AJUBA: variants seen among roughly 807,000 people sequenced by gnomAD.
AJUBA encodes the protein ajuba LIM protein, also known as LIM domain-containing protein ajuba.
Under a neutral mutation model 53.3 loss-of-function variants are expected in AJUBA, and 20 were observed. The observed-to-expected ratio is 0.38, with a 90% CI of 0.26 to 0.55. The LOEUF (loss-of-function observed/expected upper bound fraction) is 0.55. Among genes scored for constraint, AJUBA ranks in the 20% least tolerant of loss-of-function variants. AJUBA has a pLI of 0.80. For missense variants in AJUBA, 580 were observed against 730.5 expected (o/e 0.79, Z 2.38); for synonymous variants, 296 against 306.2 (o/e 0.97, Z 0.35).
In AJUBA at chr14:22,975,120, G is replaced by T; in HGVS notation, c.1240-16C>A. 1 of 1,604,610 alleles carries T rather than the reference G, an allele frequency of 6.2e-7. No individual in the cohort carries two copies. The highest frequency in any genetic ancestry group is 8.5e-7 in the Non-Finnish European group (1 of 1,175,182). ...CTTGTAGGATCTGGCTCATGGGGTA[G>T]CAAGAGAATCAGTCTCCCTCCAGTC... is the stretch of plus-strand genomic sequence containing the variant. On this transcript the variant is annotated splice_polypyrimidine_tract_variant and intron_variant, in intron 4 of 7. Transcript: ENST00000262713.
chr14:22,978,234 G>T, intron 2 of AJUBA, 110 bp downstream of exon 2: 2 of 1,053,806 alleles, frequency 1.9e-6, no homozygotes, highest in Non-Finnish European at 2.8e-6. Context: ...TCCAACAGCT[G>T]CTCTGTGAGC....
chr14:22,978,477 C>A (rs759847978), intron 1 of AJUBA, 32 bp from the exon 2 acceptor site: 5 of 1,594,860 alleles, frequency 3.1e-6, no homozygotes, highest in South Asian at 1.1e-5. Context: ...ACTCTACTCC[C>A]CCAGGTCAAA....
chr14:22,977,225 T>G, intron 2 of AJUBA: 1 of 986,984 alleles, frequency 1.0e-6, no homozygotes, highest in Non-Finnish European at 1.2e-6. Context: ...CTGGAGTTAC[T>G]GCAGAAGGAC....
At chr14:22,976,948 TCCTTA>T in intron 2 of AJUBA, 1 of 1,387,512 alleles carries the variant, frequency 7.2e-7, no homozygotes, top group Non-Finnish European at 9.3e-7. Context: ...AGCTCCTGCC[TCCTTA>T]ACAGTTTTCT....
chr14:22,976,819 T>C (rs902796479), intron 2 of AJUBA, 107 bp from the exon 3 acceptor site: 2 of 1,500,520 alleles, frequency 1.3e-6, no homozygotes, highest in Non-Finnish European at 8.9e-7. Context: ...CTGGACTTTG[T>C]GCTTTTCCTC....
chr14:22,976,590 C>T, intron 3 of AJUBA, 55 bp downstream of exon 3: 1 of 1,612,998 alleles, frequency 6.2e-7, no homozygotes, highest in Non-Finnish European at 8.5e-7. Flanking sequence ...CAATGGGCCA[C>T]CAAGAAGGGG....
At chr14:22,975,615 C>G (rs941198181) in intron 4 of AJUBA, 2 of 153,526 alleles carry the variant, frequency 1.3e-5, no homozygotes, top group African/African-American at 4.8e-5. Flanking sequence ...AATCCCAGCA[C>G]TTTGGGAGGC....
In AJUBA at chr14:22,982,544, G is replaced by T. The variant is rs1036698886; in HGVS notation, c.-278C>A. ...GGTCTATCTGTTCACGCGTCGACTC[G>T]CCCGACTGCCCCACTCTCCCCGGCC... is the stretch of plus-strand genomic sequence containing the variant. On this transcript the variant is annotated 5_prime_UTR_variant, in exon 1 of 8. Coordinates refer to ENST00000262713, the MANE Select transcript of AJUBA (RefSeq NM_032876.6). 127 of 1,320,340 alleles carry T rather than the reference G, an allele frequency of 9.6e-5. No individual in the cohort carries two copies. The highest frequency in any genetic ancestry group is 1.2e-4 in the Non-Finnish European group (124 of 1,036,646). 81.8% of individuals were successfully genotyped at this position (1,320,340 alleles called of 1,614,324 possible). A position where few individuals can be genotyped will look rare whatever the true frequency, so the allele number is the denominator to read the frequency against.
At position 22,981,920 on chromosome 14, in the gene AJUBA, G is replaced by A. The variant is rs2045102831; in HGVS notation, c.347C>T (p.Pro116Leu). 2 of 1,554,950 alleles carry A rather than the reference G, an allele frequency of 1.3e-6. No homozygotes were observed. Among genetic ancestry groups the A allele is most frequent in the East Asian group, 2.3e-5 (1 of 42,796 alleles). Residue 116 changes from proline (P) to leucine (L), a missense_variant, in exon 1 of 8, where the codon CCG (proline) becomes CTG (leucine). Physicochemically the swap from Pro to Leu is moderately conservative, Grantham distance 98. Around this residue, in one of 2 missense-constraint regions of AJUBA, gnomAD observed 430 missense variants for 471.5 expected, o/e 0.91. Coordinates refer to ENST00000262713, the MANE Select transcript of AJUBA (RefSeq NM_032876.6). ...PPDFRLEPTA[P>L]ALSPRSSFAS... ...GAAGCTAGAGCGGGGGCTGAGGGCCGGGGCCGTGGGCTCCAGCCGAAAATC... is the reference window on the plus strand; with the variant it reads ...GAAGCTAGAGCGGGGGCTGAGGGCCAGGGCCGTGGGCTCCAGCCGAAAATC...
At chr14:22,974,809 T>G in intron 6 of AJUBA, 30 bp downstream of exon 6, 1 of 1,602,656 alleles carries the variant, frequency 6.2e-7, no homozygotes, top group East Asian at 2.2e-5. Flanking sequence ...TGGCACTGGC[T>G]GCCCTGAAGG....
Position 22,981,244 on chromosome 14 carries a change from C to G in AJUBA, c.1006+17G>C. On this transcript the variant is annotated intron_variant, in intron 1 of 7. Coordinates refer to ENST00000262713, the MANE Select transcript of AJUBA (RefSeq NM_032876.6). ...GTGACGGGTCCCTTCCCGTCCCTAA[C>G]CACTTCTCTCACTCACCGAAGTAGT... The G allele has an allele frequency of 6.3e-7, 1 of 1,584,054 alleles. No individual in the cohort carries two copies. The highest frequency in any genetic ancestry group is 2.3e-5 in the East Asian group (1 of 44,410).
rs962499661 is a variant in AJUBA at position 22,979,347 on chromosome 14, G to A, written c.1007-902C>T. Among the ~76,000 whole-genome samples, 3 of 152,150 alleles carry A rather than the reference G, an allele frequency of 2.0e-5. No individual in the cohort carries two copies. The highest frequency in any genetic ancestry group is 4.8e-5 in the African/African-American group (2 of 41,450). ...CTGCCCCACCTCTCCCCCTCGGCAC[G>A]CTGCCACACTCCCTGCCTGTTGGGG... On this transcript the variant is annotated intron_variant, in intron 1 of 7. Transcript: ENST00000262713. The surrounding 1 kb of genome is among the most constrained non-coding windows in gnomAD (Gnocchi z 4.0).
intron 1 of AJUBA, chr14:22,980,748 C>G: frequency 1.1e-6 from 1 of 944,214 alleles, no homozygotes; most frequent in African/African-American, 1.8e-5. Context: ...CTCCGCCGCG[C>G]GGCGGCAGCC....
chr14:22,976,378 C>T (rs1009877968), intron 4 of AJUBA, 78 bp downstream of exon 4: 1 of 1,422,154 alleles, frequency 7.0e-7, no homozygotes, highest in East Asian at 2.3e-5. Context: ...CCCCAACCTT[C>T]TCTCAATATC....
intron 6 of AJUBA, 108 bp downstream of exon 6, chr14:22,974,731 C>T: frequency 1.6e-6 from 2 of 1,280,010 alleles, no homozygotes; most frequent in South Asian, 1.4e-5. Context: ...TCACAGAGTA[C>T]ATTCCTTGGC....
At chr14:22,976,955 C>G in intron 2 of AJUBA, 2 of 1,382,718 alleles carry the variant, frequency 1.4e-6, no homozygotes, top group Non-Finnish European at 9.3e-7. Context: ...GCCTCCTTAA[C>G]AGTTTTCTAG....
rs780040386 is a variant in AJUBA at position 22,982,071 on chromosome 14, C to T, written c.196G>A (p.Glu66Lys). Residue 66 changes from glutamate to lysine, a missense_variant, in exon 1 of 8, where the codon GAG becomes AAG. This residue lies in a region of AJUBA where 430 missense variants were observed against 471.5 expected (regional missense o/e 0.91). Transcript: ENST00000262713. Reference protein sequence around the residue: ...PGDEPLEPAREQGSLDAERNQ... With the variant: ...PGDEPLEPARKQGSLDAERNQ... ...CGCTCAGCGTCCAGGGAACCTTGCT[C>T]CCGGGCCGGCTCCAACGGCTCATCC... The T allele has an allele frequency of 6.3e-7, 1 of 1,592,022 alleles. No individual in the cohort carries two copies. The highest frequency in any genetic ancestry group is 1.9e-5 in the Admixed American group (1 of 53,624).
At position 22,975,093 on chromosome 14, in the gene AJUBA, T is replaced by C. The variant is rs777485704; in HGVS notation, c.1251A>G (p.Ala417=). The change falls in exon 5 of 8, where the codon GCA becomes GCG. Residue 417 remains alanine (A), a synonymous_variant. Coordinates refer to ENST00000262713, the MANE Select transcript of AJUBA (RefSeq NM_032876.6). The part of the protein sequence containing the change: ...GHLILEKILQ[A]MGKSYHPGCF... ...AGCCTGGATGATAGGACTTCCCCAT[T>C]GCTTGTAGGATCTGGCTCATGGGGT... 2 of 1,612,240 alleles carry C rather than the reference T, an allele frequency of 1.2e-6. No homozygotes were observed. Among genetic ancestry groups the C allele is most frequent in the Admixed American group, 3.3e-5 (2 of 59,988 alleles).
rs2044985190 is a variant in AJUBA, at chr14:22,971,750, T to C, written c.*1693A>G. 2 of 152,182 alleles carry C rather than the reference T, an allele frequency of 1.3e-5. No homozygotes were observed. The highest frequency in any genetic ancestry group is 4.8e-5 in the African/African-American group (2 of 41,434). The allele number at this position is 152,182 out of a possible 1,614,324, so 9.4% of individuals were successfully genotyped here. ...CAAAATCACATTGAACTCCATTATATTTTTCAAGGCATTTAATTTGTAAAG... is the reference window on the plus strand; with the variant it reads ...CAAAATCACATTGAACTCCATTATACTTTTCAAGGCATTTAATTTGTAAAG... On this transcript the variant is annotated 3_prime_UTR_variant, in exon 8 of 8. Transcript: ENST00000262713.
Sources: allele counts gnomAD v4.1 joint callset (sites outside exome capture counted in the v4.1 genomes callset), GRCh38; gene constraint gnomAD v4.1.1; regional missense constraint gnomAD v4.1.1; non-coding constraint Gnocchi (gnomAD v3.1); transcripts MANE v1.5; gene names NCBI Gene and HGNC (gene_info 2026-07-23, HGNC 2026-07-21).